TECRL: variants seen among roughly 807,000 people sequenced by gnomAD.
The protein encoded by TECRL is trans-2,3-enoyl-CoA reductase-like.
TECRL carries 63 observed loss-of-function variants against 52.8 expected under a neutral mutation model. That is an observed-to-expected ratio of 1.19 (90% CI 0.97 to 1.47). The LOEUF is 1.47. TECRL is among the 40% of genes most tolerant of loss of function. The probability of loss-of-function intolerance (pLI) is 0.00; values close to 1 mark genes in which losing one functional copy is unlikely to be tolerated. For missense variants in TECRL, 482 were observed against 429.6 expected, an observed-to-expected ratio of 1.12 and a Z score of -1.08; for synonymous variants, 164 against 141.9, an observed-to-expected ratio of 1.16 and a Z score of -1.10.
Position 64,409,389 on chromosome 4 carries a change from A to G in TECRL, c.-38T>C, listed in dbSNP as rs779253095. On this transcript the variant is annotated 5_prime_UTR_variant, in exon 1 of 12. Transcript: ENST00000381210. ...GAGGAGGGTCTGTCATGTCAAAAGT[A>G]GAAAATTGCAAGTGTGTTCCTTTTG... is the stretch of plus-strand genomic sequence containing the variant. 33 of 1,598,340 alleles carry G rather than the reference A, an allele frequency of 2.1e-5. No individual in the cohort carries two copies. The East Asian group carries it at 7.4e-4, about 36-fold the overall frequency.
At chr4:64,341,320 G>A (rs961454491) in intron 2 of TECRL, among the ~76,000 whole-genome samples, 1 of 152,136 alleles carries the variant, frequency 6.6e-6, no homozygotes, top group African/African-American at 2.4e-5. Context: ...GGAGCTAAAG[G>A]CCAGGCAAGG....
chr4:64,408,978 T>C (rs1414918838), intron 1 of TECRL, 140 bp downstream of exon 1: 1 of 714,774 alleles, frequency 1.4e-6, no homozygotes, highest in East Asian at 2.8e-5. Context: ...GTATGCATCC[T>C]GTTCACCACA....
At chr4:64,325,715 T>C (rs1718216983) in intron 3 of TECRL, among the ~76,000 whole-genome samples, 1 of 151,962 alleles carries the variant, frequency 6.6e-6, no homozygotes, top group African/African-American at 2.4e-5. Flanking sequence ...CTTGAAAGTG[T>C]GCTGAAAATA....
chr4:64,319,573 A>G (rs911723008), intron 4 of TECRL, among the ~76,000 whole-genome samples: 16 of 151,950 alleles, frequency 1.1e-4, no homozygotes, highest in African/African-American at 3.6e-4. Context: ...TCGTATCTAC[A>G]TTACATAAAG....
At chr4:64,355,350 A>G (rs1720689901) in intron 2 of TECRL, among the ~76,000 whole-genome samples, 1 of 152,148 alleles carries the variant, frequency 6.6e-6, no homozygotes, top group African/African-American at 2.4e-5. Flanking sequence ...GGTCAACATG[A>G]AGATGTTGCT....
chr4:64,280,289 A>G, intron 11 of TECRL, 90 bp from the exon 12 acceptor site: 2 of 1,054,870 alleles, frequency 1.9e-6, no homozygotes, highest in Non-Finnish European at 2.5e-6. Flanking sequence ...TTAGCTTTTA[A>G]GATGTTTCTC....
At chr4:64,397,100 A>T (rs1560558373) in intron 1 of TECRL, among the ~76,000 whole-genome samples, 1 of 152,148 alleles carries the variant, frequency 6.6e-6, no homozygotes, top group Non-Finnish European at 1.5e-5. Flanking sequence ...CTCTTATATT[A>T]TAAAACAACA....
At chr4:64,305,306 C>A in intron 6 of TECRL, 68 bp from the exon 7 acceptor site, 1 of 1,398,590 alleles carries the variant, frequency 7.2e-7, no homozygotes, top group Non-Finnish European at 1.0e-6. Context: ...TTGTGACATA[C>A]ATTTATATTA....
intron 9 of TECRL, among the ~76,000 whole-genome samples, chr4:64,284,242 C>T (rs1722974157): frequency 1.3e-5 from 2 of 152,082 alleles, no homozygotes; most frequent in Admixed American, 1.3e-4. Context: ...CAATGGCCCA[C>T]AATAAGCAAA....
chr4:64,286,086 G>A (rs890500530), intron 9 of TECRL, among the ~76,000 whole-genome samples: 1 of 152,032 alleles, frequency 6.6e-6, no homozygotes, highest in Non-Finnish European at 1.5e-5. Context: ...ATGCTTCTGT[G>A]TGAATAAACT....
chr4:64,353,488 A>G (rs1243244001), intron 2 of TECRL, among the ~76,000 whole-genome samples: 1 of 152,168 alleles, frequency 6.6e-6, no homozygotes. Context: ...TATAAAGTTG[A>G]TAAACTGAGT....
intron 9 of TECRL, among the ~76,000 whole-genome samples, chr4:64,288,957 A>G (rs1408116837): frequency 6.6e-6 from 1 of 152,140 alleles, no homozygotes; most frequent in Non-Finnish European, 1.5e-5. Flanking sequence ...ACCTCTCACT[A>G]ACTGACTACC....
intron 2 of TECRL, among the ~76,000 whole-genome samples, chr4:64,371,253 A>G (rs1418808904): frequency 6.6e-6 from 1 of 151,296 alleles, no homozygotes; most frequent in Non-Finnish European, 1.5e-5. Context: ...TGTAAATTAT[A>G]AATTCAATTC....
chr4:64,405,897 T>C (rs1258396236), intron 1 of TECRL, among the ~76,000 whole-genome samples: 1 of 152,102 alleles, frequency 6.6e-6, no homozygotes, highest in Non-Finnish European at 1.5e-5. Flanking sequence ...GTTGTTGATA[T>C]ACCCAGTAAG....
intron 2 of TECRL, among the ~76,000 whole-genome samples, chr4:64,340,645 C>G (rs1465575438): frequency 6.6e-6 from 1 of 152,218 alleles, no homozygotes; most frequent in Admixed American, 6.5e-5. Context: ...GTAGATGCCC[C>G]TTGGCATGAA....
In TECRL at chr4:64,321,304, T is replaced by C. The variant is rs527370864; in HGVS notation, c.435+1385A>G. On this transcript the variant is annotated intron_variant, in intron 4 of 11. Transcript: ENST00000381210. The stretch of plus-strand genomic sequence containing the variant: ...ACAAATATTAATGTATAAATTATCA[T>C]ACATTTGTAAAACTTACAAAAATTG... Among the ~76,000 whole-genome samples the C allele has an allele frequency of 1.2e-4, 18 of 152,172 alleles. No individual in the cohort carries two copies. The South Asian group carries it at 3.5e-3, about 30-fold the overall frequency.
rs1723008037 is a variant in TECRL, at chr4:64,384,081, A to G, written c.235-8858T>C. On this transcript the variant is annotated intron_variant, in intron 1 of 11. Coordinates refer to ENST00000381210, the MANE Select transcript of TECRL (RefSeq NM_001010874.5). ...TGGTGAGGCTTTACTGGAAATTAGA[A>G]CATCAGGTGGGTAATGCTTAGACAT... is the stretch of plus-strand genomic sequence containing the variant. Among the ~76,000 whole-genome samples, 2 of 152,006 alleles carry G rather than the reference A, an allele frequency of 1.3e-5. 1 individual carries two copies. The highest frequency in any genetic ancestry group is 4.2e-4 in the South Asian group (2 of 4,808).
intron 9 of TECRL, among the ~76,000 whole-genome samples, chr4:64,283,707 T>C (rs913954175): frequency 6.6e-6 from 1 of 152,000 alleles, no homozygotes; most frequent in Admixed American, 6.6e-5. Context: ...ACTGCAAAAG[T>C]AGTCAAACTC....
chr4:64,349,612 T>C (rs936107608), intron 2 of TECRL, among the ~76,000 whole-genome samples: 1 of 152,234 alleles, frequency 6.6e-6, no homozygotes, highest in Non-Finnish European at 1.5e-5. Context: ...GAATGAATTA[T>C]GACTCAGGGC....
Sources: gnomAD v4.1 joint callset for allele counts (sites outside exome capture counted in the v4.1 genomes callset) on GRCh38, gnomAD v4.1.1 for gene constraint, MANE v1.5 for transcripts, NCBI Gene and HGNC (gene_info 2026-07-23, HGNC 2026-07-21) for gene names.